Variants in TBX15 observed in about 807,000 individuals in gnomAD.
TBX15 encodes T-box transcription factor TBX15.
A neutral mutation model predicts 53.9 loss-of-function variants in TBX15; 18 were observed. The ratio of observed to expected loss-of-function variants is 0.33; its 90% confidence interval spans 0.23 to 0.49. The LOEUF (loss-of-function observed/expected upper bound fraction) is 0.49, where lower values mean the gene tolerates loss of function less well. TBX15 is among the 20% of genes least tolerant of loss of function. TBX15 has a pLI of 0.98. For missense variants in TBX15, 692 were observed against 749.5 expected (o/e 0.92, Z 0.90); for synonymous variants, 295 against 278.0 (o/e 1.06, Z -0.61).
intron 1 of TBX15, among the ~76,000 whole-genome samples, chr1:118,966,800 C>A (rs1462725458): frequency 6.6e-6 from 1 of 152,186 alleles, no homozygotes; most frequent in Admixed American, 6.5e-5. Context: ...AAATTGTCAA[C>A]ATGATTTTCT....
chr1:118,940,154 C>T (rs563593251), intron 1 of TBX15, among the ~76,000 whole-genome samples: 2 of 151,968 alleles, frequency 1.3e-5, no homozygotes, highest in Non-Finnish European at 2.9e-5. Context: ...CAGAAGGTAG[C>T]GCTACAGAAA....
intron 7 of TBX15, among the ~76,000 whole-genome samples, chr1:118,894,825 A>C (rs899637325): frequency 1.3e-5 from 2 of 152,176 alleles, no homozygotes; most frequent in African/African-American, 4.8e-5. Context: ...TGTTTGTTTT[A>C]ATGGATTGAA....
Position 118,963,480 on chromosome 1 carries a change from C to G in TBX15, c.205+24111G>C, listed in dbSNP as rs553515412. Among the ~76,000 whole-genome samples, 61 of 152,348 alleles carry G rather than the reference C, an allele frequency of 4.0e-4. 1 individual carries two copies. Among genetic ancestry groups the G allele is most frequent in the Admixed American group, 3.9e-3 (60 of 15,304 alleles). Reference sequence around the variant, plus strand: ...CTCTCCTGAGCATCAGAATACATAGCTAAGGCCCTCTGTTCTTAGACAGGG... The same window carrying G: ...CTCTCCTGAGCATCAGAATACATAGGTAAGGCCCTCTGTTCTTAGACAGGG... On this transcript the variant is annotated intron_variant, in intron 1 of 7. Coordinates refer to ENST00000369429, the MANE Select transcript of TBX15 (RefSeq NM_001330677.2).
At chr1:118,972,806 G>A (rs1478524423) in intron 1 of TBX15, among the ~76,000 whole-genome samples, 5 of 152,022 alleles carry the variant, frequency 3.3e-5, no homozygotes, top group Non-Finnish European at 7.4e-5. Flanking sequence ...CACCATGTTG[G>A]CCAGGTTGGT....
intron 1 of TBX15, among the ~76,000 whole-genome samples, chr1:118,982,854 G>A (rs978097640): frequency 6.6e-6 from 1 of 152,108 alleles, no homozygotes; most frequent in African/African-American, 2.4e-5. Context: ...TTCCTTCTGG[G>A]AGTTTCACCT....
At position 118,883,320 on chromosome 1, in the gene TBX15, C is replaced by G. The variant is rs960891210; in HGVS notation, c.*1412G>C. The G allele has an allele frequency of 2.0e-5, 3 of 152,594 alleles. 1 individual carries two copies. The South Asian group carries it at 6.2e-4, about 32-fold the overall frequency. 9.5% of individuals were successfully genotyped at this position (152,594 alleles called of 1,614,324 possible). ...CACCATTTAAAAATTTTAGCTTGCA[C>G]CAAGCTTCACTTGCTTTCTTACCAT... On this transcript the variant is annotated 3_prime_UTR_variant, in exon 8 of 8. Coordinates refer to ENST00000369429, the MANE Select transcript of TBX15 (RefSeq NM_001330677.2).
chr1:118,884,563 G>T lies in TBX15; in HGVS notation c.*169C>A, dbSNP rs1051934860. ...ATTCTATCGCAAGTATCCTTCACTGGCTTAAAGGTATCTCTTGTTCTTGGG... is the reference window on the plus strand; with the variant it reads ...ATTCTATCGCAAGTATCCTTCACTGTCTTAAAGGTATCTCTTGTTCTTGGG... On this transcript the variant is annotated 3_prime_UTR_variant, in exon 8 of 8. Transcript: ENST00000369429. The T allele has an allele frequency of 3.0e-5, 24 of 795,298 alleles. No homozygotes were observed. The highest frequency in any genetic ancestry group is 3.3e-5 in the Non-Finnish European group (17 of 516,914). 49.3% of individuals were successfully genotyped at this position (795,298 alleles called of 1,614,324 possible).
At chr1:118,978,658 A>T (rs1291489114) in intron 1 of TBX15, among the ~76,000 whole-genome samples, 1 of 152,216 alleles carries the variant, frequency 6.6e-6, no homozygotes, top group Non-Finnish European at 1.5e-5. Context: ...AATACAGAAC[A>T]TGAAGGTCTG....
chr1:118,908,986 A>G (rs1654936761), intron 6 of TBX15, among the ~76,000 whole-genome samples: 1 of 152,132 alleles, frequency 6.6e-6, no homozygotes, highest in Non-Finnish European at 1.5e-5. Flanking sequence ...CAGGGGCTTA[A>G]TTACTTGGTA....
At chr1:118,894,927 T>TA (rs1421026254) in intron 7 of TBX15, among the ~76,000 whole-genome samples, 1 of 152,052 alleles carries the variant, frequency 6.6e-6, no homozygotes, top group Non-Finnish European at 1.5e-5. Flanking sequence ...GGGAGTGCTT[T>TA]AAAAAAAATT....
chr1:118,966,977 G>A (rs1462269053), intron 1 of TBX15, among the ~76,000 whole-genome samples: 1 of 152,152 alleles, frequency 6.6e-6, no homozygotes, highest in Non-Finnish European at 1.5e-5. Context: ...ACAGACAAAA[G>A]CCAAAACTAT....
chr1:118,893,317 A>AAGGAAGGAAGGAAGGAAG (rs1235790582), intron 7 of TBX15, among the ~76,000 whole-genome samples: 3 of 65,532 alleles, frequency 4.6e-5, no homozygotes, highest in Non-Finnish European at 3.3e-5. Flanking sequence ...AAGGAAGGAA[A>AAGGAAGGAAGGAAGGAAG]GAAAGAAAGA....
At chr1:118,941,384 G>A (rs182153202) in intron 1 of TBX15, among the ~76,000 whole-genome samples, 1 of 152,334 alleles carries the variant, frequency 6.6e-6, no homozygotes, top group African/African-American at 2.4e-5. Context: ...GACTTCTGGA[G>A]AGAGTGCCTC....
intron 6 of TBX15, among the ~76,000 whole-genome samples, chr1:118,906,608 A>C (rs2101537819): frequency 6.6e-6 from 1 of 152,298 alleles, no homozygotes; most frequent in African/African-American, 2.4e-5. Flanking sequence ...GTCATGGGAA[A>C]GTTCTTTACT....
intron 7 of TBX15, among the ~76,000 whole-genome samples, chr1:118,891,226 T>C (rs1375647556): frequency 1.3e-5 from 2 of 152,242 alleles, no homozygotes; most frequent in Non-Finnish European, 2.9e-5. Context: ...ACTCCTTCTC[T>C]TTAAAATTGC....
Position 118,923,455 on chromosome 1 carries a change from G to A in TBX15, c.842C>T (p.Thr281Met), listed in dbSNP as rs1350358852. Reference protein sequence around the residue: ...NFPETVFTTVTAYQNQQITRL... With the variant: ...NFPETVFTTVMAYQNQQITRL... ...TCTTACCTGCTGATTCTGATAGGCC[G>A]TAACTGTGGTGAACACAGTCTCAGG... Residue 281 changes from threonine (T) to methionine (M), a missense_variant, in exon 5 of 8, where the codon ACG (threonine) becomes ATG (methionine). Around this residue, in one of 3 missense-constraint regions of TBX15, gnomAD observed 10 missense variants for 30.4 expected, o/e 0.33. Transcript: ENST00000369429. 3.1e-6 allele frequency: 5 copies of A among 1,613,844 alleles called. No homozygotes were observed. Among genetic ancestry groups the A allele is most frequent in the Admixed American group, 1.7e-5 (1 of 59,952 alleles).
intron 1 of TBX15, among the ~76,000 whole-genome samples, chr1:118,972,837 T>A (rs1657276272): frequency 6.6e-6 from 1 of 152,168 alleles, no homozygotes; most frequent in Admixed American, 6.5e-5. Flanking sequence ...TGACTTCAGA[T>A]GATCCACCTG....
intron 1 of TBX15, among the ~76,000 whole-genome samples, chr1:118,956,045 G>A (rs967991143): frequency 2.0e-5 from 3 of 152,060 alleles, no homozygotes; most frequent in Non-Finnish European, 2.9e-5. Flanking sequence ...AAGTGACCTC[G>A]CCCCTTCTAC....
chr1:118,959,046 G>GAA (rs1656782506), intron 1 of TBX15, among the ~76,000 whole-genome samples: 1 of 151,884 alleles, frequency 6.6e-6, no homozygotes, highest in Non-Finnish European at 1.5e-5. Context: ...GAGAGAGAGA[G>GAA]AGAGAGAGTA....
Sources: gnomAD v4.1 joint callset for allele counts (sites outside exome capture counted in the v4.1 genomes callset) on GRCh38, gnomAD v4.1.1 for gene constraint, gnomAD v4.1.1 regional missense constraint, MANE v1.5 for transcripts, NCBI Gene and HGNC (gene_info 2026-07-23, HGNC 2026-07-21) for gene names.